Variants in DEFB131B observed in about 807,000 individuals in gnomAD.
The protein encoded by DEFB131B is beta-defensin 131B.
Under a neutral mutation model 2.1 loss-of-function variants are expected in DEFB131B, and 2 were observed. The observed-to-expected ratio is 0.94, with a 90% confidence interval of 0.38 to 2.95. The LOEUF is 2.95. Among genes scored for constraint, DEFB131B ranks in the 30% most tolerant of loss-of-function variants. DEFB131B has a pLI of 0.09. For synonymous variants in DEFB131B, 26 were observed against 25.8 expected (o/e 1.01, Z -0.03); for missense variants, 77 against 78.5 (o/e 0.98, Z 0.07).
intron 1 of DEFB131B, 126 bp downstream of exon 1, chr11:71,878,636 A>G: frequency 4.2e-6 from 4 of 948,846 alleles, no homozygotes; most frequent in South Asian, 1.7e-5. Context: ...GGCTGCTCAG[A>G]AGATTGAAGA....
At chr11:71,882,111 G>A (rs970848476) in intron 1 of DEFB131B, among the ~76,000 whole-genome samples, 1 of 151,184 alleles carries the variant, frequency 6.6e-6, no homozygotes, top group African/African-American at 2.4e-5. Context: ...AAGCCAGGAG[G>A]GGAAAAAATC....
At chr11:71,878,991 C>T (rs1461325453) in intron 1 of DEFB131B, among the ~76,000 whole-genome samples, 1 of 152,028 alleles carries the variant, frequency 6.6e-6, no homozygotes, top group Non-Finnish European at 1.5e-5. Flanking sequence ...CAGAGTGAGA[C>T]CCTGTCTCAA....
At chr11:71,883,049 A>T (rs1267066286) in intron 1 of DEFB131B, among the ~76,000 whole-genome samples, 1 of 152,198 alleles carries the variant, frequency 6.6e-6, no homozygotes, top group Admixed American at 6.5e-5. Context: ...AAGATGAAAG[A>T]CTGGTACATT....
chr11:71,880,150 T>A (rs541078008), intron 1 of DEFB131B, among the ~76,000 whole-genome samples: 29 of 152,288 alleles, frequency 1.9e-4, no homozygotes, highest in South Asian at 6.2e-4. Context: ...TCAGAAAAGA[T>A]AAATAAGTCA....
At chr11:71,878,645 G>T in intron 1 of DEFB131B, 135 bp downstream of exon 1, 1 of 875,778 alleles carries the variant, frequency 1.1e-6, no homozygotes, top group Non-Finnish European at 1.7e-6. Context: ...GAAGATTGAA[G>T]AGTTGATACT....
rs1346842626 is a variant in DEFB131B at position 71,879,973 on chromosome 11, T to A, written c.58+1463T>A. ...ATATCCCACTTTAAGAATCCACTGA[T>A]ACTCACTAAATGGAACACTCTAAAG... On this transcript the variant is annotated intron_variant, in intron 1 of 1. Coordinates refer to ENST00000530210, the MANE Select transcript of DEFB131B (RefSeq NM_001242853.1). Among the ~76,000 whole-genome samples the A allele has an allele frequency of 1.2e-4, 18 of 152,310 alleles. No individual in the cohort carries two copies. The East Asian group carries it at 3.1e-3, about 26-fold the overall frequency.
chr11:71,882,081 C>T (rs555869842), intron 1 of DEFB131B, among the ~76,000 whole-genome samples: 47 of 150,864 alleles, frequency 3.1e-4, no homozygotes, highest in African/African-American at 4.1e-4. Flanking sequence ...AAATCAAAGA[C>T]GAAAAGAAAA....
chr11:71,881,953 C>T lies in DEFB131B; in HGVS notation c.59-2454C>T, dbSNP rs552092205. 3.9e-5 allele frequency among the ~76,000 whole-genome samples: 6 copies of T among 152,110 alleles called. No individual in the cohort carries two copies. The East Asian group carries it at 1.2e-3, about 29-fold the overall frequency. On this transcript the variant is annotated intron_variant, in intron 1 of 1. Coordinates refer to ENST00000530210, the MANE Select transcript of DEFB131B (RefSeq NM_001242853.1). ...GAAGAAATATTTGAAGAAATTCTGA[C>T]TGAGATTTTCCCAAAATTGAAAATA...
chr11:71,883,508 T>C (rs1831068160), intron 1 of DEFB131B, among the ~76,000 whole-genome samples: 1 of 152,128 alleles, frequency 6.6e-6, no homozygotes, highest in East Asian at 1.9e-4. Flanking sequence ...GTTTCTTCAA[T>C]ACGTGGTACT....
At position 71,878,794 on chromosome 11, in the gene DEFB131B, C is replaced by T. The variant is rs1426786228; in HGVS notation, c.58+284C>T. Among the ~76,000 whole-genome samples, 9 of 149,784 alleles carry T rather than the reference C, an allele frequency of 6.0e-5. No homozygotes were observed. The South Asian group carries it at 1.1e-3, about 18-fold the overall frequency. On this transcript the variant is annotated intron_variant, in intron 1 of 1. Transcript: ENST00000530210. ...TGAGCTTGGGAGTTCTAGACCAGCC[C>T]GGTGGGGGCAACAGGGTGAAACCCC...
At chr11:71,881,894 A>AT (rs1435780413) in intron 1 of DEFB131B, among the ~76,000 whole-genome samples, 19 of 152,184 alleles carry the variant, frequency 1.2e-4, no homozygotes, top group African/African-American at 3.9e-4. Context: ...TATATGTGTA[A>AT]TGAAGTATCA....
At chr11:71,878,859 G>A (rs1369925275) in intron 1 of DEFB131B, among the ~76,000 whole-genome samples, 1 of 149,144 alleles carries the variant, frequency 6.7e-6, no homozygotes, top group African/African-American at 2.4e-5. Context: ...AATTAGTCAG[G>A]TATAGTGGCG....
chr11:71,882,107 G>A (rs1484128987), intron 1 of DEFB131B, among the ~76,000 whole-genome samples: 1 of 151,610 alleles, frequency 6.6e-6, no homozygotes, highest in African/African-American at 2.4e-5. Context: ...AAAGAAGCCA[G>A]GAGGGGAAAA....
Position 71,884,215 on chromosome 11 carries a change from C to T in DEFB131B, c.59-192C>T, listed in dbSNP as rs955784397. 6 of 548,946 alleles carry T rather than the reference C, an allele frequency of 1.1e-5. No homozygotes were observed. In the African/African-American group the frequency reaches 1.2e-4, roughly 11 times the overall value. The allele number at this position is 548,946 out of a possible 1,614,324, so 34.0% of individuals were successfully genotyped here. ...TTTCCAACTACTGCCTCATTTACTACTCTCTTTACAGAAGAAATCATCGTT... is the reference window on the plus strand; with the variant it reads ...TTTCCAACTACTGCCTCATTTACTATTCTCTTTACAGAAGAAATCATCGTT... On this transcript the variant is annotated intron_variant, in intron 1 of 1. Transcript: ENST00000530210.
chr11:71,880,218 A>G (rs1325438246), intron 1 of DEFB131B, among the ~76,000 whole-genome samples: 3 of 152,178 alleles, frequency 2.0e-5, no homozygotes, highest in Admixed American at 6.5e-5. Context: ...ATTATAAAGT[A>G]TTGGTGGATT....
rs185761868 is a variant in DEFB131B, at chr11:71,882,389, G to A, written c.59-2018G>A. Among the ~76,000 whole-genome samples, 52 of 152,028 alleles carry A rather than the reference G, an allele frequency of 3.4e-4. No homozygotes were observed. In the East Asian group the frequency reaches 5.8e-3, roughly 17 times the overall value. ...TCGTGCCTCAGCCAGCCACCACCAC[G>A]CCTGGCTAATTTTGTATTTTTAGTA... On this transcript the variant is annotated intron_variant, in intron 1 of 1. Transcript: ENST00000530210.
In DEFB131B at chr11:71,884,220, T is replaced by C. The variant is rs532836109; in HGVS notation, c.59-187T>C. 120 of 607,076 alleles carry C rather than the reference T, an allele frequency of 2.0e-4. 1 individual carries two copies. In the East Asian group the frequency reaches 3.8e-3, roughly 19 times the overall value. 37.6% of individuals were successfully genotyped at this position (607,076 alleles called of 1,614,324 possible). A position where few individuals can be genotyped will look rare whatever the true frequency, so the allele number is the denominator to read the frequency against. ...AACTACTGCCTCATTTACTACTCTC[T>C]TTACAGAAGAAATCATCGTTTGTCT... is the stretch of plus-strand genomic sequence containing the variant. On this transcript the variant is annotated intron_variant, in intron 1 of 1. Transcript: ENST00000530210.
chr11:71,884,495 C>T lies in DEFB131B; in HGVS notation c.147C>T (p.Tyr49=), dbSNP rs547722039. ...KCNADEHAIR[Y]CADFSICCKL... is the part of the protein sequence containing the mutation. ...ATGCTGATGAACATGCAATTAGATACTGTGCTGACTTCAGCATCTGCTGCA... is the reference window on the plus strand; with the variant it reads ...ATGCTGATGAACATGCAATTAGATATTGTGCTGACTTCAGCATCTGCTGCA... The change falls in exon 2 of 2, where the codon TAC becomes TAT. Residue 49 remains tyrosine, a synonymous_variant. Coordinates refer to ENST00000530210, the MANE Select transcript of DEFB131B (RefSeq NM_001242853.1). 7 of 1,610,322 alleles carry T rather than the reference C, an allele frequency of 4.3e-6. No individual in the cohort carries two copies. In the Admixed American group the frequency reaches 6.7e-5, roughly 15 times the overall value.
intron 1 of DEFB131B, among the ~76,000 whole-genome samples, chr11:71,881,601 T>C (rs543239861): frequency 1.3e-5 from 2 of 151,930 alleles, no homozygotes; most frequent in East Asian, 1.9e-4. Flanking sequence ...ACGAGGGCCA[T>C]ACCCTGGGAG....
Sources: allele counts gnomAD v4.1 joint callset (sites outside exome capture counted in the v4.1 genomes callset), GRCh38; gene constraint gnomAD v4.1.1; transcripts MANE v1.5; gene names NCBI Gene and HGNC (gene_info 2026-07-23, HGNC 2026-07-21).